FAM171A2: variants seen among roughly 807,000 people sequenced by gnomAD.
FAM171A2 encodes the protein family with sequence similarity 171 member A2, also known as protein FAM171A2.
FAM171A2 carries 13 observed loss-of-function variants against 34.2 expected under a neutral mutation model. That is an observed-to-expected ratio of 0.38 (90% CI 0.25 to 0.60). The LOEUF is 0.60. Ranked by LOEUF, FAM171A2 falls within the 20% of genes least tolerant of loss-of-function variation. FAM171A2 has a pLI of 0.62. For missense variants in FAM171A2, 950 were observed against 1,180.7 expected (o/e 0.80, Z 2.86); for synonymous variants, 475 against 561.2 (o/e 0.85, Z 2.17).
chr17:44,357,758 T>TGTGTGTGTGTGTGTG (rs61464829), intron 3 of FAM171A2, among the ~76,000 whole-genome samples: 44 of 148,962 alleles, frequency 3.0e-4, no homozygotes, highest in Middle Eastern at 3.5e-3. Context: ...TGTGTGTGTG[T>TGTGTGTGTGTGTGTG]TGGGGTGGAG....
At chr17:44,359,774 C>A in intron 2 of FAM171A2, 103 bp from the exon 3 acceptor site, 1 of 1,340,222 alleles carries the variant, frequency 7.5e-7, no homozygotes, top group Non-Finnish European at 1.0e-6. Flanking sequence ...TCCCTCAGCC[C>A]CCTCTGTGTA....
rs952392582 is a variant in FAM171A2 at position 44,355,136 on chromosome 17, A to G, written c.1078T>C (p.Ser360Pro). Residue 360 changes from serine (S) to proline (P), a missense_variant, in exon 8 of 8, where the codon TCT becomes CCT. By Grantham distance (74) the Ser-to-Pro change is moderately conservative (BLOSUM62 -1). This residue lies in a region of FAM171A2 where 752 missense variants were observed against 924.5 expected (regional missense o/e 0.81). Coordinates refer to ENST00000293443, the MANE Select transcript of FAM171A2 (RefSeq NM_198475.3). The surrounding 1 kb of genome is among the most constrained non-coding windows in gnomAD (Gnocchi z 4.1). ...GCCTGGTCTCGTTTGTTACCGTCAG[A>G]GGGCCCCGAGAGCTGCAGCTTGCGG... ...QHRKLQLSGP[S>P]DGNKRDQATS... 2.3e-5 allele frequency: 35 copies of G among 1,550,880 alleles called. No individual in the cohort carries two copies. The highest frequency in any genetic ancestry group is 2.8e-5 in the Non-Finnish European group (32 of 1,146,920).
In FAM171A2 at chr17:44,355,636, A is replaced by C; in HGVS notation, c.1022+79T>G. 6.5e-7 allele frequency: 1 copy of C among 1,529,618 alleles called. No individual in the cohort carries two copies. The highest frequency in any genetic ancestry group is 8.8e-7 in the Non-Finnish European group (1 of 1,131,658). The allele number at this position is 1,529,618 out of a possible 1,614,324, so 94.8% of individuals were successfully genotyped here. A position where few individuals can be genotyped will look rare whatever the true frequency, so the allele number is the denominator to read the frequency against. ...TTTTCCTGTCTGCCCCTTGAGGACCAGAAGTGGATTTTATGCATCTTTGGG... is the reference window on the plus strand; with the variant it reads ...TTTTCCTGTCTGCCCCTTGAGGACCCGAAGTGGATTTTATGCATCTTTGGG... On this transcript the variant is annotated intron_variant, in intron 7 of 7. Coordinates refer to ENST00000293443, the MANE Select transcript of FAM171A2 (RefSeq NM_198475.3). The surrounding 1 kb of genome is among the most constrained non-coding windows in gnomAD (Gnocchi z 4.1).
In FAM171A2 at chr17:44,359,972, C is replaced by A; in HGVS notation, c.279G>T (p.Val93=). The A allele has an allele frequency of 6.4e-7, 1 of 1,551,632 alleles. No homozygotes were observed. The highest frequency in any genetic ancestry group is 8.7e-7 in the Non-Finnish European group (1 of 1,146,952). The part of the protein sequence containing the change: ...LPLSYRLGTW[V]LVTAARPGFL... ...AGCCAGGGCGGGCAGCAGTGACCAG[C>A]ACCCAGGTGCCCAAGCGATAACTGA... The change falls in exon 2 of 8, where the codon GTG becomes GTT. Residue 93 remains valine (V), a synonymous_variant. Coordinates refer to ENST00000293443, the MANE Select transcript of FAM171A2 (RefSeq NM_198475.3).
At position 44,354,672 on chromosome 17, in the gene FAM171A2, G is replaced by A. The variant is rs1449137577; in HGVS notation, c.1542C>T (p.Gly514=). The change falls in exon 8 of 8, where the codon GGC becomes GGT. Residue 514 remains glycine (G), a synonymous_variant. Coordinates refer to ENST00000293443, the MANE Select transcript of FAM171A2 (RefSeq NM_198475.3). This position sits in a 1 kb window ranked among gnomAD's most constrained non-coding sequence, Gnocchi z 5.8. ...CGCAGAAGATGAGCTGCCCCGCCTG[G>A]CCCAGCGACGGCGGCCGCGCCAGCT... is the stretch of plus-strand genomic sequence containing the variant. ...VDQLARPPSL[G]QAGQLIFCGS... 2.3e-6 allele frequency: 3 copies of A among 1,327,008 alleles called. No homozygotes were observed. The highest frequency in any genetic ancestry group is 1.9e-6 in the Non-Finnish European group (2 of 1,037,740). The allele number at this position is 1,327,008 out of a possible 1,614,324, so 82.2% of individuals were successfully genotyped here. A position where few individuals can be genotyped will look rare whatever the true frequency, so the allele number is the denominator to read the frequency against.
chr17:44,355,922 C>T lies in FAM171A2; in HGVS notation c.895+36G>A, dbSNP rs888813513. The T allele has an allele frequency of 2.6e-6, 4 of 1,544,320 alleles. No individual in the cohort carries two copies. The highest frequency in any genetic ancestry group is 3.5e-6 in the Non-Finnish European group (4 of 1,142,586). ...AGTCTGCTCTCCCAGCTCCCCTCCT[C>T]CGCGGCCTCTACGCCCACTGCCCCA... On this transcript the variant is annotated intron_variant, in intron 6 of 7. Coordinates refer to ENST00000293443, the MANE Select transcript of FAM171A2 (RefSeq NM_198475.3). The surrounding 1 kb of genome is among the most constrained non-coding windows in gnomAD (Gnocchi z 4.1).
intron 1 of FAM171A2, among the ~76,000 whole-genome samples, chr17:44,362,248 G>A (rs951362396): frequency 9.2e-5 from 14 of 152,088 alleles, no homozygotes; most frequent in Non-Finnish European, 1.9e-4. Flanking sequence ...AGGGACTTGA[G>A]GGGAGGGGCG....
chr17:44,359,701 G>A (rs2048440011), intron 2 of FAM171A2, 30 bp from the exon 3 acceptor site: 2 of 1,538,022 alleles, frequency 1.3e-6, no homozygotes, highest in Non-Finnish European at 1.8e-6. Flanking sequence ...TCAGCTCCAG[G>A]AAAACCCACC....
rs1376401142 is a variant in FAM171A2 at position 44,353,699 on chromosome 17, C to T, written c.*34G>A. 2 of 1,279,244 alleles carry T rather than the reference C, an allele frequency of 1.6e-6. No individual in the cohort carries two copies. Among genetic ancestry groups the T allele is most frequent in the Non-Finnish European group, 9.8e-7 (1 of 1,015,666 alleles). The allele number at this position is 1,279,244 out of a possible 1,614,324, so 79.2% of individuals were successfully genotyped here. ...GGCGCGCACCCTGGGTGCGGGCCCG[C>T]GCGGGAGGGGCGGTGCCAGGCCCTG... is the stretch of plus-strand genomic sequence containing the variant. On this transcript the variant is annotated 3_prime_UTR_variant, in exon 8 of 8. Transcript: ENST00000293443.
rs1182757830 is a variant in FAM171A2 at position 44,359,732 on chromosome 17, C to A, written c.347-61G>T. On this transcript the variant is annotated intron_variant, in intron 2 of 7. Transcript: ENST00000293443. The stretch of plus-strand genomic sequence containing the variant: ...CCACCCCCTACCCCCCAGCCAGGCA[C>A]CCCCTCCATCTGAGTCCCAGAGGCT... 12 of 1,400,032 alleles carry A rather than the reference C, an allele frequency of 8.6e-6. No homozygotes were observed. The African/African-American group carries it at 1.0e-4, about 12-fold the overall frequency. The allele number at this position is 1,400,032 out of a possible 1,614,324, so 86.7% of individuals were successfully genotyped here. A position where few individuals can be genotyped will look rare whatever the true frequency, so the allele number is the denominator to read the frequency against.
chr17:44,361,821 G>A (rs1271761896), intron 1 of FAM171A2, among the ~76,000 whole-genome samples: 1 of 152,082 alleles, frequency 6.6e-6, no homozygotes, highest in African/African-American at 2.4e-5. Context: ...TGGGGTGGGG[G>A]GAGGTAGAGC....
intron 1 of FAM171A2, among the ~76,000 whole-genome samples, chr17:44,361,321 C>T (rs1211454356): frequency 6.6e-6 from 1 of 152,348 alleles, no homozygotes; most frequent in Non-Finnish European, 1.5e-5. Flanking sequence ...CAAGGTGTGT[C>T]ATGCATGTAT....
At chr17:44,356,989 T>G (rs905397774) in intron 3 of FAM171A2, among the ~76,000 whole-genome samples, 1 of 152,214 alleles carries the variant, frequency 6.6e-6, no homozygotes, top group African/African-American at 2.4e-5. Flanking sequence ...CACACGTGGC[T>G]GTTAAGCATT....
chr17:44,355,592 A>T lies in FAM171A2; in HGVS notation c.1022+123T>A. On this transcript the variant is annotated intron_variant, in intron 7 of 7. Coordinates refer to ENST00000293443, the MANE Select transcript of FAM171A2 (RefSeq NM_198475.3). The surrounding 1 kb of genome is among the most constrained non-coding windows in gnomAD (Gnocchi z 4.1). ...CACCAGCACCAGCCCTTCAGGTCTT[A>T]GCATGTTTGCAGGAAGTCTTTTCCT... 2 of 1,365,592 alleles carry T rather than the reference A, an allele frequency of 1.5e-6. No homozygotes were observed. Among genetic ancestry groups the T allele is most frequent in the Non-Finnish European group, 2.0e-6 (2 of 1,007,148 alleles). 84.6% of individuals were successfully genotyped at this position (1,365,592 alleles called of 1,614,324 possible). A position where few individuals can be genotyped will look rare whatever the true frequency, so the allele number is the denominator to read the frequency against.
chr17:44,362,309 C>T (rs1296709047), intron 1 of FAM171A2, among the ~76,000 whole-genome samples: 3 of 152,258 alleles, frequency 2.0e-5, no homozygotes, highest in Admixed American at 6.5e-5. Context: ...ATCTCCTCCC[C>T]GAGAGAGCTG....
At chr17:44,363,344 C>G (rs1567893273) in intron 1 of FAM171A2, among the ~76,000 whole-genome samples, 1 of 152,132 alleles carries the variant, frequency 6.6e-6, no homozygotes, top group Non-Finnish European at 1.5e-5. Context: ...AGGGAGAGGG[C>G]GGCGGCGCAG....
Position 44,355,552 on chromosome 17 carries a change from C to G in FAM171A2, c.1022+163G>C, listed in dbSNP as rs190697478. On this transcript the variant is annotated intron_variant, in intron 7 of 7. Transcript: ENST00000293443. The surrounding 1 kb of genome is among the most constrained non-coding windows in gnomAD (Gnocchi z 4.1). ...TAAGCCCTGCCTCCCCTCCCACCTC[C>G]CCGCTGTCTTCAACCACCAGCACCA... 5.9e-5 allele frequency among the ~76,000 whole-genome samples: 9 copies of G among 152,330 alleles called. No homozygotes were observed. Among genetic ancestry groups the G allele is most frequent in the African/African-American group, 2.2e-4 (9 of 41,576 alleles).
chr17:44,360,837 C>T (rs1835210227), intron 1 of FAM171A2, among the ~76,000 whole-genome samples: 1 of 152,188 alleles, frequency 6.6e-6, no homozygotes, highest in Non-Finnish European at 1.5e-5. Flanking sequence ...GAATCCTTTG[C>T]ACAAGCCTGT....
chr17:44,356,497 C>T lies in FAM171A2; in HGVS notation c.531G>A (p.Thr177=), dbSNP rs9898394. ...GCATTTCCTGCTGGGTGCTGGCAGGCGTAAGTGACGCCCAGAGCTGGCTGT... is the reference window on the plus strand; with the variant it reads ...GCATTTCCTGCTGGGTGCTGGCAGGTGTAAGTGACGCCCAGAGCTGGCTGT... ...STYSQLWASL[T]PASTQQEMRA... The change falls in exon 4 of 8, where the codon ACG becomes ACA. Residue 177 remains threonine (T), a synonymous_variant. Coordinates refer to ENST00000293443, the MANE Select transcript of FAM171A2 (RefSeq NM_198475.3). The T allele has an allele frequency of 2.5e-3, 3,950 of 1,550,684 alleles. 89 individuals are homozygous for T. In the African/African-American group the frequency reaches 0.047, roughly 18 times the overall value.
Sources: gnomAD v4.1 joint callset for allele counts (sites outside exome capture counted in the v4.1 genomes callset) on GRCh38, gnomAD v4.1.1 for gene constraint, gnomAD v4.1.1 regional missense constraint, Gnocchi (gnomAD v3.1) non-coding constraint, MANE v1.5 for transcripts, NCBI Gene and HGNC (gene_info 2026-07-23, HGNC 2026-07-21) for gene names.